The following PDE1C variants were observed in gnomAD, a reference collection of about 807,000 sequenced individuals.
The protein encoded by PDE1C is dual specificity calcium/calmodulin-dependent 3',5'-cyclic nucleotide phosphodiesterase 1C.
A neutral mutation model predicts 93.1 loss-of-function variants in PDE1C; 62 were observed. That is an observed-to-expected ratio of 0.67 (90% CI 0.54 to 0.82). PDE1C has a LOEUF of 0.82. Ranked by LOEUF, PDE1C falls within the 40% of genes least tolerant of loss-of-function variation. PDE1C has a pLI of 0.00. For synonymous variants in PDE1C, 325 were observed against 310.1 expected (o/e 1.05, Z -0.50); for missense variants, 742 against 884.6 (o/e 0.84, Z 2.04).
Position 32,007,290 on chromosome 7 carries a change from G to A in PDE1C, c.128+44264C>T, listed in dbSNP as rs143427199. ...AATAAGCTGGACCCTCAAAAATGTC[G>A]CACTAACTCTTTTCCCCCAAAGAGC... is the stretch of plus-strand genomic sequence containing the variant. On this transcript the variant is annotated intron_variant, in intron 2 of 17. Transcript: ENST00000396191. Among the ~76,000 whole-genome samples, 143 of 152,164 alleles carry A rather than the reference G, an allele frequency of 9.4e-4. No individual in the cohort carries two copies. In the East Asian group the frequency reaches 0.015, roughly 16 times the overall value.
At chr7:32,066,365 G>T (rs545903064) in intron 1 of PDE1C, among the ~76,000 whole-genome samples, 1 of 152,132 alleles carries the variant, frequency 6.6e-6, no homozygotes, top group Non-Finnish European at 1.5e-5. Context: ...TATTAATAAT[G>T]TTACTTTAGG....
At chr7:32,176,545 T>C (rs989978804) in intron 2 of PDE1C, among the ~76,000 whole-genome samples, 1 of 152,076 alleles carries the variant, frequency 6.6e-6, no homozygotes, top group African/African-American at 2.4e-5. Flanking sequence ...AATTTACAAA[T>C]CCTAAAATTG....
chr7:32,307,432 GT>G (rs1425662493), intron 1 of PDE1C, among the ~76,000 whole-genome samples: 10 of 152,188 alleles, frequency 6.6e-5, no homozygotes, highest in Admixed American at 6.5e-4. Flanking sequence ...CCCACATTCT[GT>G]TAGCCAGAAA....
chr7:32,230,958 A>T (rs577043609), intron 1 of PDE1C, among the ~76,000 whole-genome samples: 1 of 152,336 alleles, frequency 6.6e-6, no homozygotes, highest in South Asian at 2.1e-4. Flanking sequence ...TATAAAGTAG[A>T]AAGACCAGCT....
intron 1 of PDE1C, among the ~76,000 whole-genome samples, chr7:32,317,404 C>G (rs1311450274): frequency 6.6e-6 from 1 of 152,004 alleles, no homozygotes; most frequent in Non-Finnish European, 1.5e-5. Flanking sequence ...AAATGGAGAC[C>G]CGTCCTCTCA....
At chr7:32,393,598 A>T (rs1784790304) in intron 1 of PDE1C, among the ~76,000 whole-genome samples, 1 of 152,202 alleles carries the variant, frequency 6.6e-6, no homozygotes, top group East Asian at 1.9e-4. Flanking sequence ...CAGTCATCCT[A>T]TTCAGTGGTT....
At chr7:32,110,559 TC>T (rs1798583088) in intron 3 of PDE1C, among the ~76,000 whole-genome samples, 1 of 152,182 alleles carries the variant, frequency 6.6e-6, no homozygotes, top group South Asian at 2.1e-4. Context: ...CAATGAATCA[TC>T]ATCCCTCAAG....
chr7:31,690,276 C>G, the PDE1C span, among the ~76,000 whole-genome samples: 6 of 152,212 alleles, frequency 3.9e-5, no homozygotes, highest in African/African-American at 1.2e-4. Context: ...ATAGCTGCCA[C>G]TTGAATTATG....
At chr7:31,933,842 A>T (rs543468545) in intron 2 of PDE1C, among the ~76,000 whole-genome samples, 76 of 152,302 alleles carry the variant, frequency 5.0e-4, no homozygotes, top group African/African-American at 1.8e-3. Context: ...AAGTTTTCTG[A>T]GGCTTCACCA....
At chr7:32,341,173 C>G (rs373950781) in intron 1 of PDE1C, among the ~76,000 whole-genome samples, 2 of 84,952 alleles carry the variant, frequency 2.4e-5, no homozygotes, top group Admixed American at 1.7e-4. Context: ...GAAATAAAGT[C>G]TTTTTTTTTT....
intron 1 of PDE1C, among the ~76,000 whole-genome samples, chr7:32,365,322 C>T (rs1283143108): frequency 2.6e-5 from 4 of 152,120 alleles, no homozygotes; most frequent in Non-Finnish European, 5.9e-5. Flanking sequence ...CCCTGTAGGC[C>T]ACCTCCAGCA....
At chr7:32,401,907 T>C (rs215733) in intron 1 of PDE1C, among the ~76,000 whole-genome samples, 140,025 of 152,284 alleles carry the variant, frequency 0.92, 65,254 homozygotes, top group Non-Finnish European at 0.99. Context: ...CTTGTATCAA[T>C]TTGGTAGCAT....
In PDE1C at chr7:31,848,096, C is replaced by A. The variant is rs150896311; in HGVS notation, c.852G>T (p.Arg284=). ...GTTNNFHIQT[R]SDPAILYNDR... is the part of the protein sequence containing the mutation. ...CATTATACAGAATAGCTGGATCAGA[C>A]CTGAACAGAAAGCCAAGCAAAATTC... Residue 284 remains arginine (R), a splice_region_variant and synonymous_variant, in exon 9 of 18, where the codon CGG becomes CGT. Transcript: ENST00000396191. The A allele has an allele frequency of 6.2e-7, 1 of 1,611,872 alleles. No individual in the cohort carries two copies. The highest frequency in any genetic ancestry group is 1.1e-5 in the South Asian group (1 of 90,914).
intron 1 of PDE1C, among the ~76,000 whole-genome samples, chr7:32,406,997 C>T (rs1343567244): frequency 6.6e-6 from 1 of 152,164 alleles, no homozygotes; most frequent in African/African-American, 2.4e-5. Flanking sequence ...AAAAACAGGC[C>T]GGGCGCGGTG....
At chr7:32,086,656 G>C (rs1433936500) in intron 3 of PDE1C, among the ~76,000 whole-genome samples, 2 of 152,108 alleles carry the variant, frequency 1.3e-5, no homozygotes, top group African/African-American at 2.4e-5. Flanking sequence ...CCAAAACAGA[G>C]ATATAGATCA....
At chr7:32,095,258 C>T (rs947036755) in intron 3 of PDE1C, among the ~76,000 whole-genome samples, 2 of 152,220 alleles carry the variant, frequency 1.3e-5, no homozygotes, top group Non-Finnish European at 2.9e-5. Context: ...AGCAACCAGA[C>T]ATCCCATCAG....
intron 3 of PDE1C, among the ~76,000 whole-genome samples, chr7:32,160,297 T>C (rs76224038): frequency 0.016 from 2,494 of 152,266 alleles, 80 homozygotes; most frequent in African/African-American, 0.056. Context: ...ATGTAGAGTT[T>C]CTCCCTAGTT....
intron 3 of PDE1C, among the ~76,000 whole-genome samples, chr7:32,143,962 C>A (rs1040292203): frequency 5.9e-5 from 9 of 152,116 alleles, no homozygotes; most frequent in African/African-American, 2.2e-4. Flanking sequence ...TGGGAAGGCA[C>A]TGGGGATATC....
chr7:31,774,161 T>C (rs1292391674), intron 17 of PDE1C, among the ~76,000 whole-genome samples: 2 of 152,142 alleles, frequency 1.3e-5, no homozygotes, highest in African/African-American at 4.8e-5. Flanking sequence ...ATGCTGCTAA[T>C]TGAATTTTCA....
Sources: gnomAD v4.1 joint callset for allele counts (sites outside exome capture counted in the v4.1 genomes callset) on GRCh38, gnomAD v4.1.1 for gene constraint, MANE v1.5 for transcripts, NCBI Gene and HGNC (gene_info 2026-07-23, HGNC 2026-07-21) for gene names.